PKHD1L1: variants seen among roughly 807,000 people sequenced by gnomAD.
PKHD1L1 encodes the protein fibrocystin-L.
In PKHD1L1, 434 loss-of-function variants were observed where a neutral mutation model predicts 462.9. The observed-to-expected ratio is 0.94, with a 90% CI of 0.87 to 1.02. PKHD1L1 has a LOEUF of 1.02. Among genes scored for constraint, PKHD1L1 ranks in the 50% least tolerant of loss-of-function variants. PKHD1L1 has a pLI of 0.00. For synonymous variants in PKHD1L1, 1,781 were observed against 1,750.0 expected, an observed-to-expected ratio of 1.02 and a Z score of -0.44; for missense variants, 5,202 against 5,096.1, an observed-to-expected ratio of 1.02 and a Z score of -0.63.
intron 57 of PKHD1L1, among the ~76,000 whole-genome samples, chr8:109,483,588 A>G (rs1468813723): frequency 6.7e-6 from 1 of 149,660 alleles, no homozygotes; most frequent in Non-Finnish European, 1.5e-5. Context: ...AAATATGACT[A>G]TTAGTCATAA....
Position 109,464,438 on chromosome 8 carries a change from A to C in PKHD1L1, c.7606A>C (p.Asn2536His). 1 of 1,613,702 alleles carries C rather than the reference A, an allele frequency of 6.2e-7. No individual in the cohort carries two copies. The highest frequency in any genetic ancestry group is 1.3e-5 in the African/African-American group (1 of 75,018). Residue 2536 changes from asparagine to histidine, a missense_variant, in exon 49 of 78, where the codon AAT (asparagine) becomes CAT (histidine). Coordinates refer to ENST00000378402, the MANE Select transcript of PKHD1L1 (RefSeq NM_177531.6). ...TATAGAAGATGGTATTGAACATGGC[A>C]ATATCCTCCAGTATAACTTGGCAGT... ...FFIEDGIEHGNILQYNLAVFV... is the reference protein window; with the variant it reads ...FFIEDGIEHGHILQYNLAVFV...
intron 52 of PKHD1L1, 116 bp downstream of exon 52, chr8:109,476,783 A>G (rs1260675365): frequency 1.1e-6 from 1 of 886,486 alleles, no homozygotes; most frequent in African/African-American, 1.8e-5. Context: ...GATCCAATAA[A>G]TGTTTGCTGA....
intron 2 of PKHD1L1, among the ~76,000 whole-genome samples, chr8:109,375,905 G>A (rs1437879873): frequency 6.6e-6 from 1 of 152,182 alleles, no homozygotes; most frequent in Non-Finnish European, 1.5e-5. Flanking sequence ...GTGTCAGTCC[G>A]CCCCTACTGG....
At chr8:109,503,393 G>C (rs957440227) in intron 67 of PKHD1L1, among the ~76,000 whole-genome samples, 5 of 152,122 alleles carry the variant, frequency 3.3e-5, no homozygotes, top group African/African-American at 4.8e-5. Context: ...TGGGTGCACT[G>C]GCCCAGTAAA....
At chr8:109,375,636 C>T (rs1461600253) in intron 2 of PKHD1L1, among the ~76,000 whole-genome samples, 1 of 152,152 alleles carries the variant, frequency 6.6e-6, no homozygotes, top group East Asian at 1.9e-4. Flanking sequence ...GTGGTTTTAT[C>T]TACCTTTGGT....
chr8:109,523,391 GTGCACTATTTTGGA>G lies in PKHD1L1; in HGVS notation c.12484+7_12484+20del. ...ACCTTACTCCCCTTAGAACAGGTGG[GTGCACTATTTTGGA>G]TCCTCACATATATAGCCATAAATAG... is the stretch of plus-strand genomic sequence containing the variant. On this transcript the variant is annotated splice_donor_region_variant and intron_variant, in intron 76 of 77. Coordinates refer to ENST00000378402, the MANE Select transcript of PKHD1L1 (RefSeq NM_177531.6). 1 of 1,607,178 alleles carries G rather than the reference GTGCACTATTTTGGA, an allele frequency of 6.2e-7. No homozygotes were observed. The highest frequency in any genetic ancestry group is 8.5e-7 in the Non-Finnish European group (1 of 1,175,930).
rs753386377 is a variant in PKHD1L1 at position 109,443,808 on chromosome 8, C to A, written c.4697C>A (p.Pro1566Gln). The change falls in exon 37 of 78, where the codon CCA becomes CAA. Residue 1566 changes from proline (P) to glutamine (Q), a missense_variant. Around this residue, in one of 3 missense-constraint regions of PKHD1L1, gnomAD observed 4,497 missense variants for 4,336.8 expected, o/e 1.04. Transcript: ENST00000378402. ...LLFEVSSCFS[P>Q]SISNITPSTG... is the part of the protein sequence containing the mutation. ...TTTGAGGTTTCAAGTTGTTTTTCAC[C>A]ATCTATAAGCAACATTACTCCGTCC... 6.2e-7 allele frequency: 1 copy of A among 1,613,658 alleles called. No homozygotes were observed. Among genetic ancestry groups the A allele is most frequent in the South Asian group, 1.1e-5 (1 of 91,060 alleles).
At chr8:109,484,293 T>G (rs2130896882) in intron 57 of PKHD1L1, among the ~76,000 whole-genome samples, 1 of 152,044 alleles carries the variant, frequency 6.6e-6, no homozygotes, top group Non-Finnish European at 1.5e-5. Flanking sequence ...GCAAATTTTG[T>G]GTCAGAGTAA....
rs572838946 is a variant in PKHD1L1 at position 109,531,393 on chromosome 8, T to G, written c.*1303T>G. 1.3e-5 allele frequency among the ~76,000 whole-genome samples: 2 copies of G among 151,960 alleles called. No homozygotes were observed. The highest frequency in any genetic ancestry group is 1.9e-4 in the East Asian group (1 of 5,154). On this transcript the variant is annotated 3_prime_UTR_variant, in exon 78 of 78. Coordinates refer to ENST00000378402, the MANE Select transcript of PKHD1L1 (RefSeq NM_177531.6). ...GTTTTCAGGATATTTGGGGAAAGAA[T>G]GGAAACAGACCATTTCAATACAACA...
At chr8:109,512,431 A>G (rs973897061) in intron 71 of PKHD1L1, among the ~76,000 whole-genome samples, 11 of 151,952 alleles carry the variant, frequency 7.2e-5, no homozygotes, top group African/African-American at 2.4e-4. Flanking sequence ...CAGTTTTCCC[A>G]GCACCATTTA....
intron 12 of PKHD1L1, among the ~76,000 whole-genome samples, chr8:109,399,152 G>A (rs1813125193): frequency 6.6e-6 from 1 of 152,044 alleles, no homozygotes; most frequent in South Asian, 2.1e-4. Context: ...GAAGCCAAAT[G>A]AATCGTTTAT....
At chr8:109,504,302 C>T (rs376090022) in intron 67 of PKHD1L1, 25 bp from the exon 68 acceptor site, 19 of 1,295,180 alleles carry the variant, frequency 1.5e-5, no homozygotes, top group Admixed American at 2.8e-5. Flanking sequence ...AGAAAATAAT[C>T]ACTTATCTAT....
chr8:109,396,340 T>A (rs1382673975), intron 11 of PKHD1L1, among the ~76,000 whole-genome samples: 1 of 152,180 alleles, frequency 6.6e-6, no homozygotes, highest in African/African-American at 2.4e-5. Context: ...AAACCTCATG[T>A]GAATAGGACC....
At chr8:109,471,473 G>C (rs918656311) in intron 50 of PKHD1L1, among the ~76,000 whole-genome samples, 2 of 152,174 alleles carry the variant, frequency 1.3e-5, no homozygotes, top group African/African-American at 4.8e-5. Context: ...ATAATTGCAT[G>C]AAAGTAGCTA....
At position 109,466,659 on chromosome 8, in the gene PKHD1L1, G is replaced by T; in HGVS notation, c.8495G>T (p.Gly2832Val). The T allele has an allele frequency of 1.2e-6, 2 of 1,611,020 alleles. No individual in the cohort carries two copies. Among genetic ancestry groups the T allele is most frequent in the Non-Finnish European group, 1.7e-6 (2 of 1,178,634 alleles). Reference protein sequence around the residue: ...HCTQEAEWSIGFPGSVCDASV... With the variant: ...HCTQEAEWSIVFPGSVCDASV... The stretch of plus-strand genomic sequence containing the variant: ...ACTCAGGAAGCTGAGTGGAGCATTG[G>T]GTTCCCTGGATCAGTCTGTGATGCT... Residue 2832 changes from glycine (G) to valine (V), a missense_variant, in exon 50 of 78, where the codon GGG becomes GTG. Gly to Val is a moderately radical substitution (Grantham distance 109, BLOSUM62 -3). Transcript: ENST00000378402.
intron 21 of PKHD1L1, among the ~76,000 whole-genome samples, chr8:109,414,795 A>C (rs2349761): frequency 0.3 from 46,046 of 151,738 alleles, 7,610 homozygotes; most frequent in Admixed American, 0.44. Flanking sequence ...AAATGTTGAC[A>C]ATAAACAAAA....
intron 39 of PKHD1L1, 121 bp from the exon 40 acceptor site, chr8:109,449,217 T>TA: frequency 1.0e-6 from 1 of 994,858 alleles, no homozygotes; most frequent in Non-Finnish European, 1.4e-6. Flanking sequence ...ATTTCAGTTC[T>TA]AAAAAACTCT....
chr8:109,373,052 A>T (rs1811602121), intron 2 of PKHD1L1, among the ~76,000 whole-genome samples: 1 of 152,064 alleles, frequency 6.6e-6, no homozygotes, highest in Non-Finnish European at 1.5e-5. Flanking sequence ...CTCTTTTTCT[A>T]TTGATTGGAA....
chr8:109,364,441 C>T (rs931323826), intron 1 of PKHD1L1, 106 bp from the exon 2 acceptor site: 23 of 799,504 alleles, frequency 2.9e-5, no homozygotes, highest in Non-Finnish European at 4.0e-5. Context: ...ATCCTGTAAA[C>T]TTCATAATGT....
Sources: allele counts gnomAD v4.1 joint callset (sites outside exome capture counted in the v4.1 genomes callset), GRCh38; gene constraint gnomAD v4.1.1; regional missense constraint gnomAD v4.1.1; transcripts MANE v1.5; gene names NCBI Gene and HGNC (gene_info 2026-07-23, HGNC 2026-07-21).